Variants in SUSD5 observed in about 807,000 individuals in gnomAD.
SUSD5 encodes sushi domain-containing protein 5.
A neutral mutation model predicts 29.5 loss-of-function variants in SUSD5; 33 were observed. That is an observed-to-expected ratio of 1.12 (90% CI 0.85 to 1.49). SUSD5 has a LOEUF of 1.49. Ranked by LOEUF, SUSD5 falls within the 40% of genes most tolerant of loss-of-function variation. The pLI, the probability that SUSD5 is intolerant of heterozygous loss-of-function variation, is 0.00. For synonymous variants in SUSD5, 308 were observed against 325.3 expected (o/e 0.95, Z 0.57); for missense variants, 776 against 800.6 (o/e 0.97, Z 0.37).
chr3:33,207,784 CTTTA>C lies in SUSD5; in HGVS notation c.409+20_409+23del, dbSNP rs2032248773. ...TCCCCAAGAGCACACCCTCCAGCAC[CTTTA>C]AGAAGACTCTGGCACTGACCTTCAT... On this transcript the variant is annotated intron_variant, in intron 3 of 4. Coordinates refer to ENST00000309558, the MANE Select transcript of SUSD5 (RefSeq NM_015551.2). 6.4e-7 allele frequency: 1 copy of C among 1,552,638 alleles called. No homozygotes were observed. The highest frequency in any genetic ancestry group is 1.4e-5 in the African/African-American group (1 of 73,124).
intron 4 of SUSD5, among the ~76,000 whole-genome samples, chr3:33,173,900 G>A (rs2031489375): frequency 6.6e-6 from 1 of 152,200 alleles, no homozygotes; most frequent in African/African-American, 2.4e-5. Flanking sequence ...CTGCGTCCCT[G>A]TTGGGGTGGG....
intron 1 of SUSD5, among the ~76,000 whole-genome samples, chr3:33,218,442 G>T (rs528570267): frequency 6.6e-6 from 1 of 152,332 alleles, no homozygotes; most frequent in Non-Finnish European, 1.5e-5. Context: ...GGGACTGCGG[G>T]ACCTACGCGC....
rs777267353 is a variant in SUSD5 at position 33,152,691 on chromosome 3, C to T, written c.*51G>A. 2.3e-5 allele frequency: 35 copies of T among 1,525,032 alleles called. No individual in the cohort carries two copies. The highest frequency in any genetic ancestry group is 2.9e-5 in the Non-Finnish European group (33 of 1,131,258). The allele number at this position is 1,525,032 out of a possible 1,614,324, so 94.5% of individuals were successfully genotyped here. The stretch of plus-strand genomic sequence containing the variant: ...TCTAGTGAATTATCGTGTGATGTGT[C>T]ACAGTTATTTTCCTCCCAAGTGGCT... On this transcript the variant is annotated 3_prime_UTR_variant, in exon 5 of 5. Transcript: ENST00000309558.
chr3:33,160,480 A>T (rs945712817), intron 4 of SUSD5, among the ~76,000 whole-genome samples: 1 of 152,004 alleles, frequency 6.6e-6, no homozygotes, highest in African/African-American at 2.4e-5. Flanking sequence ...ACTTGAGCCC[A>T]GGAGATTGAG....
chr3:33,191,822 G>A (rs2031896646), intron 3 of SUSD5, among the ~76,000 whole-genome samples: 1 of 152,074 alleles, frequency 6.6e-6, no homozygotes, highest in Non-Finnish European at 1.5e-5. Context: ...GTGTGCGCCT[G>A]TAGTACTAGC....
intron 1 of SUSD5, among the ~76,000 whole-genome samples, chr3:33,214,358 C>A (rs943316814): frequency 4.3e-5 from 5 of 115,440 alleles, no homozygotes; most frequent in African/African-American, 1.7e-4. Context: ...TCTGGCATGT[C>A]GATCTGGAAA....
intron 2 of SUSD5, 150 bp from the exon 3 acceptor site, chr3:33,208,076 C>A (rs1575545286): frequency 1.7e-6 from 1 of 582,430 alleles, no homozygotes; most frequent in Non-Finnish European, 3.0e-6. Context: ...ACATTCTCTG[C>A]AAAAAAAAGG....
Position 33,174,989 on chromosome 3 carries a change from G to C in SUSD5, c.495C>G (p.Tyr165Ter). 1 of 1,614,020 alleles carries C rather than the reference G, an allele frequency of 6.2e-7. No homozygotes were observed. The highest frequency in any genetic ancestry group is 1.1e-5 in the South Asian group (1 of 91,084). The change falls in exon 4 of 5, where the codon TAC (tyrosine) becomes TAG (stop). Residue 165 changes from tyrosine to a stop codon, truncating the protein, a stop_gained. Coordinates refer to ENST00000309558, the MANE Select transcript of SUSD5 (RefSeq NM_015551.2). LOFTEE classifies it high-confidence loss of function. ...TGLEMGDELLYVCAPGHIMGH... is the reference protein window; with the variant it reads ...TGLEMGDELL ...CCATGATGTGGCCTGGGGCACACAC[G>C]TACAGCAGTTCATCCCCCATTTCCA...
chr3:33,217,444 A>G (rs1482461777), intron 1 of SUSD5, among the ~76,000 whole-genome samples: 2 of 152,242 alleles, frequency 1.3e-5, no homozygotes, highest in African/African-American at 2.4e-5. Flanking sequence ...TTAACTGTAT[A>G]TTTTAAAATG....
rs1256036896 is a variant in SUSD5, at chr3:33,214,114, G to C, written c.113-9C>G. The C allele has an allele frequency of 6.3e-7, 1 of 1,588,342 alleles. No individual in the cohort carries two copies. The highest frequency in any genetic ancestry group is 1.4e-5 in the African/African-American group (1 of 73,846). ...CAGCACAAAGAACTTTCCTGTGTGGGAACAAGAACAAACACATGTGGATTT... is the reference window on the plus strand; with the variant it reads ...CAGCACAAAGAACTTTCCTGTGTGGCAACAAGAACAAACACATGTGGATTT... On this transcript the variant is annotated splice_polypyrimidine_tract_variant and intron_variant, in intron 1 of 4. Transcript: ENST00000309558.
chr3:33,154,312 C>CT (rs1352611622), intron 4 of SUSD5, among the ~76,000 whole-genome samples: 23 of 152,250 alleles, frequency 1.5e-4, no homozygotes, highest in African/African-American at 5.1e-4. Context: ...CACTTGAAGC[C>CT]AGGAGTTCGA....
intron 1 of SUSD5, among the ~76,000 whole-genome samples, chr3:33,218,243 C>T (rs1297318491): frequency 6.6e-6 from 1 of 152,226 alleles, no homozygotes; most frequent in African/African-American, 2.4e-5. Context: ...TCATCTTTCA[C>T]GTCTTCCCGG....
At chr3:33,195,361 T>G (rs2031976111) in intron 3 of SUSD5, among the ~76,000 whole-genome samples, 1 of 152,222 alleles carries the variant, frequency 6.6e-6, no homozygotes, top group East Asian at 1.9e-4. Flanking sequence ...AGTGATGTGC[T>G]GATAAATATT....
intron 2 of SUSD5, among the ~76,000 whole-genome samples, chr3:33,208,427 G>T (rs1187960456): frequency 6.6e-6 from 1 of 151,840 alleles, no homozygotes; most frequent in Non-Finnish European, 1.5e-5. Context: ...TTTATTTAAG[G>T]ATATCTTTTC....
At chr3:33,154,797 T>C (rs1382485533) in intron 4 of SUSD5, among the ~76,000 whole-genome samples, 4 of 152,152 alleles carry the variant, frequency 2.6e-5, no homozygotes, top group Non-Finnish European at 2.9e-5. Flanking sequence ...AATGGAGGAA[T>C]AGACCATGAT....
intron 1 of SUSD5, among the ~76,000 whole-genome samples, chr3:33,216,414 G>T (rs779498439): frequency 1.3e-5 from 2 of 152,044 alleles, no homozygotes; most frequent in South Asian, 2.1e-4. Flanking sequence ...GCCCTCACCC[G>T]CAGAAACCCT....
chr3:33,172,036 G>T (rs889289414), intron 4 of SUSD5, among the ~76,000 whole-genome samples: 3 of 152,098 alleles, frequency 2.0e-5, no homozygotes, highest in Non-Finnish European at 2.9e-5. Context: ...TGAATGAATG[G>T]ATCAATGTCC....
chr3:33,167,213 A>AT lies in SUSD5; in HGVS notation c.598+7672_598+7673insA, dbSNP rs1559446426. 6.6e-6 allele frequency among the ~76,000 whole-genome samples: 1 copy of AT among 151,134 alleles called. No individual in the cohort carries two copies. Among genetic ancestry groups the AT allele is most frequent in the Non-Finnish European group, 1.5e-5 (1 of 67,858 alleles). ...ATATATATATATAAATATATATATAAAACATAAAGTCAAAAGGCACCTGGA... is the reference window on the plus strand; with the variant it reads ...ATATATATATATAAATATATATATAATAACATAAAGTCAAAAGGCACCTGGA... On this transcript the variant is annotated intron_variant, in intron 4 of 4. Transcript: ENST00000309558. This position sits in a 1 kb window ranked among gnomAD's most constrained non-coding sequence, Gnocchi z 4.1.
Position 33,152,906 on chromosome 3 carries a change from T to C in SUSD5, c.1726A>G (p.Ile576Val). The change falls in exon 5 of 5, where the codon ATC (isoleucine) becomes GTC (valine). Residue 576 changes from isoleucine to valine, a missense_variant. Coordinates refer to ENST00000309558, the MANE Select transcript of SUSD5 (RefSeq NM_015551.2). ...CACAGGACGGTGACAATGGTGGCGA[T>C]CACAGGGCCTCTGCTGAGGCCAGGA... is the stretch of plus-strand genomic sequence containing the variant. ...GCPGLSRGPV[I>V]ATIVTVLCLL... 1 of 1,613,976 alleles carries C rather than the reference T, an allele frequency of 6.2e-7. No individual in the cohort carries two copies. The highest frequency in any genetic ancestry group is 8.5e-7 in the Non-Finnish European group (1 of 1,179,876).
Sources: gnomAD v4.1 joint callset for allele counts (sites outside exome capture counted in the v4.1 genomes callset) on GRCh38, gnomAD v4.1.1 for gene constraint, Gnocchi (gnomAD v3.1) non-coding constraint, MANE v1.5 for transcripts, NCBI Gene and HGNC (gene_info 2026-07-23, HGNC 2026-07-21) for gene names.